Variants in GLG1 observed in about 807,000 individuals in gnomAD.
GLG1 encodes the protein golgi glycoprotein 1, also known as Golgi apparatus protein 1.
Under a neutral mutation model 160.5 loss-of-function variants are expected in GLG1, and 38 were observed. The observed-to-expected ratio is 0.24, with a 90% CI of 0.18 to 0.31. The LOEUF is 0.31. Among genes scored for constraint, GLG1 ranks in the 10% least tolerant of loss-of-function variants. The probability of loss-of-function intolerance (pLI) is 1.00; values close to 1 mark genes in which losing one functional copy is unlikely to be tolerated. For missense variants in GLG1, 1,373 were observed against 1,505.2 expected, an observed-to-expected ratio of 0.91 and a Z score of 1.45; for synonymous variants, 644 against 543.4, an observed-to-expected ratio of 1.19 and a Z score of -2.57.
intron 1 of GLG1, among the ~76,000 whole-genome samples, chr16:74,594,464 T>C (rs940272056): frequency 6.6e-6 from 1 of 152,208 alleles, no homozygotes; most frequent in African/African-American, 2.4e-5. Flanking sequence ...TCTTAAGTCA[T>C]TGTTTTTAGA....
chr16:74,562,517 T>C (rs1285828108), intron 1 of GLG1, among the ~76,000 whole-genome samples: 1 of 152,194 alleles, frequency 6.6e-6, no homozygotes, highest in Non-Finnish European at 1.5e-5. Context: ...TGGAGAGCAG[T>C]GGTGTGATCT....
chr16:74,555,186 A>C (rs2018319086), intron 1 of GLG1, among the ~76,000 whole-genome samples: 1 of 152,126 alleles, frequency 6.6e-6, no homozygotes, highest in African/African-American at 2.4e-5. Context: ...ATAAGTTTAC[A>C]AATTGTAACT....
intron 1 of GLG1, among the ~76,000 whole-genome samples, chr16:74,555,065 T>C (rs555133123): frequency 1.1e-3 from 162 of 152,328 alleles, no homozygotes; most frequent in Non-Finnish European, 2.1e-3. Context: ...TTTATAAGAC[T>C]TTGTGATAAA....
At chr16:74,499,048 G>A (rs1277032995) in intron 4 of GLG1, among the ~76,000 whole-genome samples, 1 of 151,984 alleles carries the variant, frequency 6.6e-6, no homozygotes, top group Non-Finnish European at 1.5e-5. Context: ...ACACACATAT[G>A]AAGAAAGGAC....
intron 1 of GLG1, among the ~76,000 whole-genome samples, chr16:74,543,179 A>G (rs985469691): frequency 7.9e-5 from 12 of 152,210 alleles, no homozygotes; most frequent in African/African-American, 2.4e-4. Flanking sequence ...TCTGAAGAGT[A>G]CAGCTTGGAT....
chr16:74,607,100 G>A lies in GLG1; in HGVS notation c.-6C>T, dbSNP rs746096556. 5.9e-6 allele frequency: 9 copies of A among 1,524,550 alleles called. No homozygotes were observed. The highest frequency in any genetic ancestry group is 1.4e-5 in the African/African-American group (1 of 72,358). 94.4% of individuals were successfully genotyped at this position (1,524,550 alleles called of 1,614,324 possible). A position where few individuals can be genotyped will look rare whatever the true frequency, so the allele number is the denominator to read the frequency against. On this transcript the variant is annotated 5_prime_UTR_variant, in exon 1 of 26. Coordinates refer to ENST00000422840, the MANE Select transcript of GLG1 (RefSeq NM_001145667.2). ...ACACGTCCACACGCCGCCATCTTGA[G>A]TCCGCGGCGAGCTCGACGCACTCGC...
At chr16:74,469,841 C>T in intron 16 of GLG1, 144 bp downstream of exon 16, 1 of 649,152 alleles carries the variant, frequency 1.5e-6, no homozygotes, top group Admixed American at 2.4e-5. Flanking sequence ...CGAGTGTTTG[C>T]CACGCTAATC....
intron 2 of GLG1, among the ~76,000 whole-genome samples, chr16:74,521,759 C>T (rs2017171542): frequency 6.6e-6 from 1 of 152,144 alleles, no homozygotes; most frequent in South Asian, 2.1e-4. Flanking sequence ...CATCAACTGT[C>T]CCTCCTCAAT....
At chr16:74,597,141 A>G (rs994955978) in intron 1 of GLG1, among the ~76,000 whole-genome samples, 2 of 151,724 alleles carry the variant, frequency 1.3e-5, no homozygotes, top group African/African-American at 4.8e-5. Flanking sequence ...AAAAAACCCA[A>G]AACAAAACTC....
chr16:74,573,666 T>C (rs1348129609), intron 1 of GLG1, among the ~76,000 whole-genome samples: 1 of 148,658 alleles, frequency 6.7e-6, no homozygotes, highest in Admixed American at 6.8e-5. Flanking sequence ...GCTTCCCCAG[T>C]AGCTGGGACT....
intron 1 of GLG1, among the ~76,000 whole-genome samples, chr16:74,550,495 T>C (rs1287409450): frequency 1.3e-5 from 2 of 152,196 alleles, no homozygotes; most frequent in Middle Eastern, 3.2e-3. Context: ...GGTGTGGCTT[T>C]CATTGGCATG....
chr16:74,519,640 C>T (rs2017097350), intron 2 of GLG1, among the ~76,000 whole-genome samples: 1 of 150,920 alleles, frequency 6.6e-6, no homozygotes, highest in African/African-American at 2.4e-5. Context: ...AATTTTAAGT[C>T]AAAGCTATGT....
intron 18 of GLG1, among the ~76,000 whole-genome samples, chr16:74,466,552 T>C (rs1211400025): frequency 6.6e-6 from 1 of 152,098 alleles, no homozygotes; most frequent in Non-Finnish European, 1.5e-5. Context: ...GGAACACTAA[T>C]ATCATAAGAA....
chr16:74,572,450 G>A (rs1034336026), intron 1 of GLG1, among the ~76,000 whole-genome samples: 5 of 150,874 alleles, frequency 3.3e-5, no homozygotes, highest in Admixed American at 6.6e-5. Context: ...GGCGGAGGTT[G>A]CAGTGTGAGC....
intron 21 of GLG1, 105 bp from the exon 22 acceptor site, chr16:74,462,300 GAAA>G: frequency 1.2e-6 from 1 of 809,948 alleles, no homozygotes; most frequent in Non-Finnish European, 2.0e-6. Flanking sequence ...ACAAGAACAA[GAAA>G]AAAACAAAAA....
At chr16:74,509,413 CAA>C (rs1315086512) in intron 2 of GLG1, among the ~76,000 whole-genome samples, 2 of 151,734 alleles carry the variant, frequency 1.3e-5, no homozygotes, top group African/African-American at 2.4e-5. Flanking sequence ...CTGCTTGAAC[CAA>C]AAAGTCTAAT....
chr16:74,473,642 G>A (rs10871294), intron 13 of GLG1, among the ~76,000 whole-genome samples: 150,855 of 151,890 alleles, frequency 0.99, 74,924 homozygotes, highest in East Asian at 1. Context: ...GGGTTTCACC[G>A]TGTTAGCCAG....
intron 25 of GLG1, among the ~76,000 whole-genome samples, chr16:74,455,923 G>A (rs190509041): frequency 4.5e-4 from 69 of 152,272 alleles, no homozygotes; most frequent in African/African-American, 1.6e-3. Context: ...ATGTATGCAC[G>A]AGAAGAACTG....
chr16:74,517,582 C>T (rs973481643), intron 2 of GLG1, among the ~76,000 whole-genome samples: 32 of 152,300 alleles, frequency 2.1e-4, no homozygotes, highest in African/African-American at 7.2e-4. Flanking sequence ...GACAAACCCA[C>T]AGCCAATATC....
Sources: allele counts gnomAD v4.1 joint callset (sites outside exome capture counted in the v4.1 genomes callset), GRCh38; gene constraint gnomAD v4.1.1; transcripts MANE v1.5; gene names NCBI Gene and HGNC (gene_info 2026-07-23, HGNC 2026-07-21).